ATP2B4: variants seen among roughly 807,000 people sequenced by gnomAD.
The protein encoded by ATP2B4 is plasma membrane calcium-transporting ATPase 4.
ATP2B4 carries 39 observed loss-of-function variants against 110.3 expected under a neutral mutation model. The observed-to-expected ratio is 0.35, with a 90% CI of 0.27 to 0.46. The LOEUF (loss-of-function observed/expected upper bound fraction) is 0.46. ATP2B4 is among the 20% of genes least tolerant of loss of function. ATP2B4 has a pLI of 1.00. For missense variants in ATP2B4, 1,135 were observed against 1,530.9 expected (o/e 0.74, Z 4.32); for synonymous variants, 538 against 571.7 (o/e 0.94, Z 0.84).
chr1:203,708,019 C>A lies in ATP2B4; in HGVS notation c.1472C>A (p.Pro491Gln). The A allele has an allele frequency of 6.2e-7, 1 of 1,614,190 alleles. No homozygotes were observed. Among genetic ancestry groups the A allele is most frequent in the East Asian group, 2.2e-5 (1 of 44,884 alleles). Reference protein sequence around the residue: ...YIGGIHYRQIPSPDVFLPKVL... With the variant: ...YIGGIHYRQIQSPDVFLPKVL... ...GGGGGCATCCATTACCGTCAAATCC[C>A]AAGCCCTGATGTCTTCCTGCCCAAA... Residue 491 changes from proline to glutamine, a missense_variant, in exon 10 of 21, where the codon CCA (proline) becomes CAA (glutamine). By Grantham distance (76) the Pro-to-Gln change is moderately conservative. This residue lies in a region of ATP2B4 where 368 missense variants were observed against 455.9 expected (regional missense o/e 0.81). Coordinates refer to ENST00000357681, the MANE Select transcript of ATP2B4 (RefSeq NM_001684.5).
At chr1:203,645,022 C>G (rs1012808157) in intron 1 of ATP2B4, among the ~76,000 whole-genome samples, 4 of 152,216 alleles carry the variant, frequency 2.6e-5, no homozygotes, top group African/African-American at 4.8e-5. Flanking sequence ...TCTAGTGTCA[C>G]TGGCACAAAA....
chr1:203,714,393 T>G, intron 15 of ATP2B4, 116 bp downstream of exon 15: 2 of 1,003,086 alleles, frequency 2.0e-6, no homozygotes, highest in Non-Finnish European at 3.1e-6. Context: ...GGTGCTTTTT[T>G]GTCCAACTCC....
rs768532046 is a variant in ATP2B4 at position 203,720,562 on chromosome 1, C to A, written c.2420C>A (p.Thr807Lys). ...ATCTTACCTCAGGGCATCGCAGGCA[C>A]AGATGTAGCAAAGGAGGCTTCAGAC... ...DVGFAMGIAGTDVAKEASDII... is the reference protein window; with the variant it reads ...DVGFAMGIAGKDVAKEASDII... The change falls in exon 16 of 21, where the codon ACA becomes AAA. Residue 807 changes from threonine (T) to lysine (K), a missense_variant. By Grantham distance (78) the Thr-to-Lys change is moderately conservative. This residue lies in a region of ATP2B4 where 70 missense variants were observed against 142.4 expected (regional missense o/e 0.49). Transcript: ENST00000357681. 2 of 1,608,470 alleles carry A rather than the reference C, an allele frequency of 1.2e-6. No homozygotes were observed. The highest frequency in any genetic ancestry group is 1.7e-6 in the Non-Finnish European group (2 of 1,176,896).
At chr1:203,733,102 C>T in intron 20 of ATP2B4, 2 of 903,686 alleles carry the variant, frequency 2.2e-6, no homozygotes, top group Middle Eastern at 3.4e-4. Context: ...CTCTCCTGTC[C>T]CCTTTTCCCA....
At chr1:203,651,775 C>T (rs952794769) in intron 1 of ATP2B4, among the ~76,000 whole-genome samples, 1 of 150,836 alleles carries the variant, frequency 6.6e-6, no homozygotes, top group Non-Finnish European at 1.5e-5. Flanking sequence ...TATGAACACA[C>T]GGCTAGGCAC....
intron 19 of ATP2B4, among the ~76,000 whole-genome samples, chr1:203,725,884 TTTTTC>T (rs1202251238): frequency 1.5e-4 from 22 of 145,152 alleles, no homozygotes; most frequent in South Asian, 6.6e-4. Flanking sequence ...GAATAATTTC[TTTTTC>T]TTTTCTTTTC....
In ATP2B4 at chr1:203,701,390, A is replaced by G. The variant is rs140927119; in HGVS notation, c.901+467A>G. On this transcript the variant is annotated intron_variant, in intron 6 of 20. Coordinates refer to ENST00000357681, the MANE Select transcript of ATP2B4 (RefSeq NM_001684.5). ...TCAATGGAAGAGACACACAGCTAGA[A>G]GAGTAGGAACAGTTAGTTCAGTCTT... is the stretch of plus-strand genomic sequence containing the variant. Among the ~76,000 whole-genome samples the G allele has an allele frequency of 1.8e-3, 281 of 152,316 alleles. 1 individual carries two copies. The highest frequency in any genetic ancestry group is 6.4e-3 in the African/African-American group (266 of 41,572).
At chr1:203,667,956 C>A (rs1664556995) in intron 1 of ATP2B4, among the ~76,000 whole-genome samples, 2 of 152,166 alleles carry the variant, frequency 1.3e-5, no homozygotes, top group Admixed American at 6.5e-5. Context: ...ACTGGAGGAA[C>A]TGGGGGAAAG....
chr1:203,742,149 G>T lies in ATP2B4; in HGVS notation c.*2295G>T, dbSNP rs1234494125. The T allele has an allele frequency of 6.6e-6, 1 of 152,582 alleles. No homozygotes were observed. 9.5% of individuals were successfully genotyped at this position (152,582 alleles called of 1,614,324 possible). On this transcript the variant is annotated 3_prime_UTR_variant, in exon 21 of 21. Transcript: ENST00000357681. ...ACTGATATTTTTGGGTCAGCCATAT[G>T]TATTTTGTTTAAAGGATTTAAAATA...
At chr1:203,687,418 T>C (rs1665230649) in intron 2 of ATP2B4, among the ~76,000 whole-genome samples, 1 of 152,134 alleles carries the variant, frequency 6.6e-6, no homozygotes, top group African/African-American at 2.4e-5. Flanking sequence ...AATATGCTCA[T>C]CCTATAAAAA....
At chr1:203,711,648 C>T (rs1315237883) in intron 12 of ATP2B4, among the ~76,000 whole-genome samples, 1 of 152,182 alleles carries the variant, frequency 6.6e-6, no homozygotes, top group East Asian at 1.9e-4. Context: ...GGCCAAATCG[C>T]AAAATGCCAT....
Position 203,714,238 on chromosome 1 carries a change from C to T in ATP2B4, c.2367C>T (p.Asp789=), listed in dbSNP as rs746454064. The change falls in exon 15 of 21, where the codon GAC becomes GAT. Residue 789 remains aspartate (D), a synonymous_variant. Coordinates refer to ENST00000357681, the MANE Select transcript of ATP2B4 (RefSeq NM_001684.5). ...VVAVTGDGTN[D]GPALKKADVG... ...CTGTCACTGGTGATGGCACAAATGA[C>T]GGGCCTGCTCTGAAGAAAGCGGATG... 1.1e-5 allele frequency: 18 copies of T among 1,613,960 alleles called. No homozygotes were observed. Among genetic ancestry groups the T allele is most frequent in the Admixed American group, 1.0e-4 (6 of 59,988 alleles).
chr1:203,729,233 A>G lies in ATP2B4; in HGVS notation c.3309+1662A>G, dbSNP rs572816138. Among the ~76,000 whole-genome samples, 5 of 151,946 alleles carry G rather than the reference A, an allele frequency of 3.3e-5. No homozygotes were observed. The East Asian group carries it at 9.7e-4, about 30-fold the overall frequency. On this transcript the variant is annotated intron_variant, in intron 20 of 20. Coordinates refer to ENST00000357681, the MANE Select transcript of ATP2B4 (RefSeq NM_001684.5). ...TACCTGGTAGGAACTTATCCCCTAT[A>G]GGCAAGACAACAAATAGAAAAGTGG...
intron 20 of ATP2B4, among the ~76,000 whole-genome samples, chr1:203,732,136 C>T (rs949640385): frequency 6.9e-6 from 1 of 145,630 alleles, no homozygotes; most frequent in African/African-American, 2.6e-5. Flanking sequence ...GAGATCGCAC[C>T]TTGCACTCCA....
chr1:203,649,211 C>T (rs1242973281), intron 1 of ATP2B4, among the ~76,000 whole-genome samples: 2 of 152,276 alleles, frequency 1.3e-5, no homozygotes, highest in South Asian at 4.1e-4. Flanking sequence ...CTTCTCTCCA[C>T]GCTGTAGAAT....
At chr1:203,735,316 A>G (rs559637408) in intron 20 of ATP2B4, among the ~76,000 whole-genome samples, 6 of 152,172 alleles carry the variant, frequency 3.9e-5, no homozygotes, top group African/African-American at 1.2e-4. Context: ...GCTAATGCTT[A>G]TGTCTTCCTA....
intron 1 of ATP2B4, among the ~76,000 whole-genome samples, chr1:203,671,286 T>C (rs779588762): frequency 3.3e-5 from 5 of 152,228 alleles, no homozygotes; most frequent in South Asian, 2.1e-4. Flanking sequence ...AATTACCACA[T>C]TGACTTGTGA....
intron 1 of ATP2B4, among the ~76,000 whole-genome samples, chr1:203,680,350 C>T (rs1361522928): frequency 6.6e-6 from 1 of 152,098 alleles, no homozygotes; most frequent in Non-Finnish European, 1.5e-5. Flanking sequence ...GTGGCTCATG[C>T]CTGAATCCCA....
At chr1:203,662,012 C>T (rs536525850) in intron 1 of ATP2B4, among the ~76,000 whole-genome samples, 60 of 151,884 alleles carry the variant, frequency 4.0e-4, no homozygotes, top group Non-Finnish European at 8.5e-4. Context: ...ATATACAGAA[C>T]ATAAAATTTG....
Sources: gnomAD v4.1 joint callset for allele counts (sites outside exome capture counted in the v4.1 genomes callset) on GRCh38, gnomAD v4.1.1 for gene constraint, gnomAD v4.1.1 regional missense constraint, MANE v1.5 for transcripts, NCBI Gene and HGNC (gene_info 2026-07-23, HGNC 2026-07-21) for gene names.